The following DST variants were observed in gnomAD, a reference collection of about 807,000 sequenced individuals.
DST encodes bullous pemphigoid antigen.
In DST, 253 loss-of-function variants were observed where a neutral mutation model predicts 875.2. The ratio of observed to expected loss-of-function variants is 0.29; its 90% CI spans 0.26 to 0.32. The LOEUF is 0.32. DST is among the 10% of genes least tolerant of loss of function. The pLI is 1.00. For synonymous variants in DST, 3,124 were observed against 3,197.1 expected (o/e 0.98, Z 0.77); for missense variants, 8,287 against 9,111.6 (o/e 0.91, Z 3.68).
At chr6:56,744,764 C>T (rs572074327) in intron 4 of DST, among the ~76,000 whole-genome samples, 163 of 152,272 alleles carry the variant, frequency 1.1e-3, no homozygotes, top group South Asian at 0.01. Context: ...CACTTGCCTA[C>T]CTGATTTGAC....
At chr6:56,602,184 G>GA (rs368700864) in intron 43 of DST, among the ~76,000 whole-genome samples, 163 of 92,886 alleles carry the variant, frequency 1.8e-3, no homozygotes, top group South Asian at 2.7e-3. Flanking sequence ...TAAGAACTTA[G>GA]AAAAAAAAAA....
intron 4 of DST, among the ~76,000 whole-genome samples, chr6:56,781,412 T>C (rs1304794547): frequency 6.6e-6 from 1 of 152,182 alleles, no homozygotes; most frequent in Non-Finnish European, 1.5e-5. Context: ...CAGTGGTTTG[T>C]AGTTCTCCTT....
intron 86 of DST, among the ~76,000 whole-genome samples, chr6:56,489,092 A>G (rs903461109): frequency 6.6e-6 from 1 of 152,158 alleles, no homozygotes; most frequent in African/African-American, 2.4e-5. Flanking sequence ...ATACCGCAAA[A>G]TATCTATTAC....
chr6:56,516,046 T>G lies in DST; in HGVS notation c.18358-378A>C, dbSNP rs558033874. On this transcript the variant is annotated intron_variant, in intron 71 of 103. Coordinates refer to ENST00000680361, the MANE Select transcript of DST (RefSeq NM_001374736.1). Reference sequence around the variant, plus strand: ...TGTCAAAATTTTTAGTTAACAAAATTTAATTATATATATACACACACACAT... The same window carrying G: ...TGTCAAAATTTTTAGTTAACAAAATGTAATTATATATATACACACACACAT... 2.0e-5 allele frequency among the ~76,000 whole-genome samples: 3 copies of G among 151,934 alleles called. No homozygotes were observed. The South Asian group carries it at 6.2e-4, about 32-fold the overall frequency.
chr6:56,686,940 T>C (rs983708815), intron 9 of DST, among the ~76,000 whole-genome samples: 7 of 152,188 alleles, frequency 4.6e-5, no homozygotes, highest in Non-Finnish European at 8.8e-5. Context: ...ATTTTAAGGA[T>C]GGGAATAATA....
intron 8 of DST, among the ~76,000 whole-genome samples, chr6:56,700,432 T>C (rs968946313): frequency 1.3e-5 from 2 of 152,332 alleles, no homozygotes; most frequent in South Asian, 4.1e-4. Flanking sequence ...AAATAAATTT[T>C]ATTTTACTTT....
chr6:56,705,501 T>G (rs2099329509), intron 5 of DST, among the ~76,000 whole-genome samples: 1 of 152,202 alleles, frequency 6.6e-6, no homozygotes, highest in South Asian at 2.1e-4. Context: ...AGTCTCTCAG[T>G]CCCCAAAAAT....
At chr6:56,768,427 G>T (rs2099639945) in intron 4 of DST, among the ~76,000 whole-genome samples, 1 of 152,104 alleles carries the variant, frequency 6.6e-6, no homozygotes, top group African/African-American at 2.4e-5. Flanking sequence ...AAAAGAAAAA[G>T]CAATTCAACA....
chr6:56,853,839 G>A (rs766009118), intron 3 of DST, among the ~76,000 whole-genome samples: 3 of 152,028 alleles, frequency 2.0e-5, no homozygotes, highest in Non-Finnish European at 2.9e-5. Flanking sequence ...AGTGTCATTG[G>A]TAAACAGATA....
chr6:56,727,360 T>C (rs1190078305), intron 5 of DST, among the ~76,000 whole-genome samples: 1 of 152,184 alleles, frequency 6.6e-6, no homozygotes, highest in Non-Finnish European at 1.5e-5. Flanking sequence ...CTCCTGAGGC[T>C]ATGTCATGGG....
At position 56,620,119 on chromosome 6, in the gene DST, T is replaced by G. The variant is rs756090007; in HGVS notation, c.4929+4411A>C. On this transcript the variant is annotated intron_variant, in intron 36 of 103. Coordinates refer to ENST00000680361, the MANE Select transcript of DST (RefSeq NM_001374736.1). The stretch of plus-strand genomic sequence containing the variant: ...TCTGCTTTTCTTTCAACTGTTTCTC[T>G]GCTACCTGTTTCTGAAATGCAAGGT... 4 of 1,613,682 alleles carry G rather than the reference T, an allele frequency of 2.5e-6. No homozygotes were observed. The Admixed American group carries it at 6.7e-5, about 27-fold the overall frequency.
intron 4 of DST, chr6:56,843,468 G>A (rs1322264017): frequency 1.0e-6 from 1 of 999,852 alleles, no homozygotes; most frequent in Non-Finnish European, 1.2e-6. Flanking sequence ...GCCAAGCGGA[G>A]GAGCGGGGCG....
intron 4 of DST, among the ~76,000 whole-genome samples, chr6:56,815,772 A>G (rs567123970): frequency 4.4e-4 from 67 of 151,470 alleles, no homozygotes; most frequent in Non-Finnish European, 8.2e-4. Flanking sequence ...TCTAATTTAA[A>G]TATTTTAGCC....
At chr6:56,504,794 C>T (rs1268040623) in intron 77 of DST, among the ~76,000 whole-genome samples, 2 of 152,096 alleles carry the variant, frequency 1.3e-5, no homozygotes, top group East Asian at 3.9e-4. Flanking sequence ...CTCCTGGGCT[C>T]AAGCAATCCT....
intron 79 of DST, 101 bp from the exon 80 acceptor site, chr6:56,501,336 C>T: frequency 7.6e-7 from 1 of 1,309,646 alleles, no homozygotes; most frequent in Non-Finnish European, 1.0e-6. Context: ...TTGTATAAGT[C>T]CATAAACGTA....
chr6:56,573,424 T>C (rs903681376), intron 51 of DST, among the ~76,000 whole-genome samples: 1 of 152,178 alleles, frequency 6.6e-6, no homozygotes, highest in African/African-American at 2.4e-5. Context: ...ATAAACAAGA[T>C]AAGACTCAAT....
chr6:56,554,330 G>T (rs13194746), intron 60 of DST, among the ~76,000 whole-genome samples: 49,291 of 151,444 alleles, frequency 0.33, 8,455 homozygotes, highest in African/African-American at 0.41. Flanking sequence ...GTGATCCGCC[G>T]GCCTCGGCCT....
rs372248327 is a variant in DST, at chr6:56,517,651, C to T, written c.18130-31G>A. 44 of 1,590,234 alleles carry T rather than the reference C, an allele frequency of 2.8e-5. No homozygotes were observed. The East Asian group carries it at 5.9e-4, about 21-fold the overall frequency. On this transcript the variant is annotated intron_variant, in intron 69 of 103. Transcript: ENST00000680361. ...CAAAAGATAAATAATTAGGTCAGCACGTTCCCGTTCCTGATGCCAGAAAAT... is the reference window on the plus strand; with the variant it reads ...CAAAAGATAAATAATTAGGTCAGCATGTTCCCGTTCCTGATGCCAGAAAAT...
At position 56,632,845 on chromosome 6, in the gene DST, A is replaced by G. The variant is rs1186391035; in HGVS notation, c.3805+9T>C. On this transcript the variant is annotated intron_variant, in intron 28 of 103. Coordinates refer to ENST00000680361, the MANE Select transcript of DST (RefSeq NM_001374736.1). ...TGGGGAAAAAAAGACAGGGATCCCC[A>G]TGCTTTACCTCTTTCTGCAGATTTA... The G allele has an allele frequency of 1.2e-6, 2 of 1,612,640 alleles. No individual in the cohort carries two copies. The highest frequency in any genetic ancestry group is 8.5e-7 in the Non-Finnish European group (1 of 1,179,206).
Sources: gnomAD v4.1 joint callset for allele counts (sites outside exome capture counted in the v4.1 genomes callset) on GRCh38, gnomAD v4.1.1 for gene constraint, MANE v1.5 for transcripts, NCBI Gene and HGNC (gene_info 2026-07-23, HGNC 2026-07-21) for gene names.